Variants in SOX6 observed in about 807,000 individuals in gnomAD.
SOX6 encodes SRY-box transcription factor 6, also known as transcription factor SOX-6.
Under a neutral mutation model 97.8 loss-of-function variants are expected in SOX6, and 11 were observed. The ratio of observed to expected loss-of-function variants is 0.11; its 90% CI spans 0.07 to 0.19. SOX6 has a LOEUF of 0.19. Among genes scored for constraint, SOX6 ranks in the 10% least tolerant of loss-of-function variants. SOX6 has a pLI of 1.00. For missense variants in SOX6, 810 were observed against 1,039.5 expected, an observed-to-expected ratio of 0.78 and a Z score of 3.04; for synonymous variants, 360 against 371.4, an observed-to-expected ratio of 0.97 and a Z score of 0.35.
chr11:16,497,627 C>T (rs1463044532), intron 4 of SOX6, among the ~76,000 whole-genome samples: 1 of 152,058 alleles, frequency 6.6e-6, no homozygotes, highest in East Asian at 1.9e-4. Context: ...CTTAAAGGAC[C>T]TGACAGAGCT....
chr11:16,642,934 C>T (rs540198623), intron 3 of SOX6, among the ~76,000 whole-genome samples: 3 of 152,326 alleles, frequency 2.0e-5, no homozygotes, highest in African/African-American at 7.2e-5. Context: ...ATTCTCTGTC[C>T]AGCTTTGTTC....
intron 4 of SOX6, among the ~76,000 whole-genome samples, chr11:16,529,620 A>G (rs1861212385): frequency 6.6e-6 from 1 of 152,106 alleles, no homozygotes; most frequent in South Asian, 2.1e-4. Context: ...AATAAGCTAT[A>G]TTTACCTATC....
intron 4 of SOX6, among the ~76,000 whole-genome samples, chr11:16,592,620 C>T (rs1365028688): frequency 1.3e-5 from 2 of 151,972 alleles, no homozygotes; most frequent in Non-Finnish European, 2.9e-5. Flanking sequence ...TTTAAATTAT[C>T]TCAGATATAA....
At chr11:16,277,744 G>T (rs1202598849) in intron 3 of SOX6, among the ~76,000 whole-genome samples, 1 of 152,166 alleles carries the variant, frequency 6.6e-6, no homozygotes, top group African/African-American at 2.4e-5. Flanking sequence ...TTCCTCCCCT[G>T]CTGGGGGATT....
Position 16,183,922 on chromosome 11 carries a change from C to T in SOX6, c.741G>A (p.Gln247=), listed in dbSNP as rs761718640. The T allele has an allele frequency of 1.5e-5, 24 of 1,612,424 alleles. No homozygotes were observed. The highest frequency in any genetic ancestry group is 2.0e-5 in the Non-Finnish European group (24 of 1,178,852). ...IARQQQQLLQ[Q]QHKINLLQQQ... The stretch of plus-strand genomic sequence containing the variant: ...GCTGCAGGAGATTAATTTTGTGCTG[C>T]TGTTGCAGAAGTTGCTGCTGTTGTC... The change falls in exon 6 of 16, where the codon CAG becomes CAA. Residue 247 remains glutamine (Q), a synonymous_variant. Transcript: ENST00000683767.
At chr11:16,460,121 G>T (rs186813013) in intron 1 of SOX6, among the ~76,000 whole-genome samples, 1 of 152,040 alleles carries the variant, frequency 6.6e-6, no homozygotes, top group South Asian at 2.1e-4. Context: ...ACAGCAGACT[G>T]ATTTTTGAAA....
intron 12 of SOX6, among the ~76,000 whole-genome samples, chr11:16,025,392 A>C (rs1027153919): frequency 1.3e-5 from 2 of 152,226 alleles, no homozygotes; most frequent in African/African-American, 4.8e-5. Flanking sequence ...ATGGTTTAAA[A>C]AGTGGAGAAT....
intron 8 of SOX6, 68 bp downstream of exon 8, chr11:16,097,541 A>G: frequency 7.5e-7 from 1 of 1,330,316 alleles, no homozygotes; most frequent in Non-Finnish European, 1.1e-6. Flanking sequence ...TATTTAGCAT[A>G]CAGCTGGTTA....
At chr11:16,320,333 C>T (rs953688253) in intron 2 of SOX6, among the ~76,000 whole-genome samples, 1 of 152,022 alleles carries the variant, frequency 6.6e-6, no homozygotes, top group Admixed American at 6.6e-5. Flanking sequence ...AAAAGTTACA[C>T]AGTTAATAAC....
chr11:16,668,982 A>T (rs1358529835), intron 3 of SOX6, among the ~76,000 whole-genome samples: 1 of 152,206 alleles, frequency 6.6e-6, no homozygotes, highest in African/African-American at 2.4e-5. Context: ...TGAACAAATT[A>T]TTCAGACACA....
chr11:15,973,750 G>A (rs145488854), intron 15 of SOX6, among the ~76,000 whole-genome samples: 1 of 152,278 alleles, frequency 6.6e-6, no homozygotes, highest in Non-Finnish European at 1.5e-5. Flanking sequence ...GGGATTAAGA[G>A]AGTTGGGAGT....
intron 6 of SOX6, among the ~76,000 whole-genome samples, chr11:16,173,740 A>T (rs1851104380): frequency 6.6e-6 from 1 of 151,356 alleles, no homozygotes; most frequent in African/African-American, 2.4e-5. Context: ...AAAGTAGTCA[A>T]AATAACTTTA....
chr11:16,164,497 C>T (rs563807094), intron 6 of SOX6, among the ~76,000 whole-genome samples: 1 of 152,230 alleles, frequency 6.6e-6, no homozygotes, highest in Non-Finnish European at 1.5e-5. Context: ...TTTTAAAATA[C>T]ATGGACATTT....
At chr11:16,223,155 G>A (rs1342923980) in intron 4 of SOX6, among the ~76,000 whole-genome samples, 1 of 152,002 alleles carries the variant, frequency 6.6e-6, no homozygotes, top group Non-Finnish European at 1.5e-5. Flanking sequence ...ATTTTTAATA[G>A]TTCCAGAGAT....
chr11:16,497,722 GGAA>G (rs1860627270), intron 4 of SOX6, among the ~76,000 whole-genome samples: 1 of 151,990 alleles, frequency 6.6e-6, no homozygotes, highest in Non-Finnish European at 1.5e-5. Flanking sequence ...AATCAGTGAT[GGAA>G]GATGAAATGA....
chr11:16,464,594 A>T (rs1451260207), intron 1 of SOX6, among the ~76,000 whole-genome samples: 1 of 152,134 alleles, frequency 6.6e-6, no homozygotes, highest in Non-Finnish European at 1.5e-5. Flanking sequence ...AAAACTAAAA[A>T]CATCATATAC....
chr11:16,512,928 G>A (rs138453951), intron 4 of SOX6, among the ~76,000 whole-genome samples: 11 of 152,300 alleles, frequency 7.2e-5, no homozygotes, highest in African/African-American at 2.6e-4. Flanking sequence ...AGTACTGTGA[G>A]TAAAATCAAT....
intron 3 of SOX6, chr11:16,264,600 C>T (rs893147761): frequency 4.0e-5 from 6 of 151,792 alleles, no homozygotes; most frequent in African/African-American, 1.5e-4. Flanking sequence ...AAGAGGACTA[C>T]TGGATCAAAA....
intron 6 of SOX6, among the ~76,000 whole-genome samples, chr11:16,124,855 G>A (rs1018311708): frequency 6.6e-6 from 1 of 152,030 alleles, no homozygotes; most frequent in Non-Finnish European, 1.5e-5. Context: ...AAGAATGAAC[G>A]CAGAGAGACA....
Sources: allele counts gnomAD v4.1 joint callset (sites outside exome capture counted in the v4.1 genomes callset), GRCh38; gene constraint gnomAD v4.1.1; transcripts MANE v1.5; gene names NCBI Gene and HGNC (gene_info 2026-07-23, HGNC 2026-07-21).